Variants in LRBA observed in about 807,000 individuals in gnomAD.
The protein encoded by LRBA is LPS responsive beige-like anchor protein.
LRBA carries 176 observed loss-of-function variants against 330.0 expected under a neutral mutation model. The ratio of observed to expected loss-of-function variants is 0.53; its 90% confidence interval spans 0.47 to 0.60. The LOEUF (loss-of-function observed/expected upper bound fraction) is 0.60, where lower values mean the gene tolerates loss of function less well. Ranked by LOEUF, LRBA falls within the 20% of genes least tolerant of loss-of-function variation. The pLI, the probability that LRBA is intolerant of heterozygous loss-of-function variation, is 0.00. For synonymous variants in LRBA, 1,230 were observed against 1,193.0 expected (o/e 1.03, Z -0.64); for missense variants, 3,259 against 3,444.8 (o/e 0.95, Z 1.35).
At chr4:150,652,465 C>A (rs934937366) in intron 37 of LRBA, among the ~76,000 whole-genome samples, 1 of 151,992 alleles carries the variant, frequency 6.6e-6, no homozygotes, top group Non-Finnish European at 1.5e-5. Flanking sequence ...GTAACATGTT[C>A]CCCCTTTCCT....
rs139942351 is a variant in LRBA at position 150,859,813 on chromosome 4, A to G, written c.2767-6870T>C. Among the ~76,000 whole-genome samples, 340 of 152,358 alleles carry G rather than the reference A, an allele frequency of 2.2e-3. 6 individuals are homozygous for G. Among genetic ancestry groups the G allele is most frequent in the Non-Finnish European group, 6.8e-4 (46 of 68,030 alleles). ...TTAGTTCTTTACACATCAGTTCTTTATCAAGAACCATGTTATAAATTTGGG... is the reference window on the plus strand; with the variant it reads ...TTAGTTCTTTACACATCAGTTCTTTGTCAAGAACCATGTTATAAATTTGGG... On this transcript the variant is annotated intron_variant, in intron 22 of 56. Coordinates refer to ENST00000651943, the MANE Select transcript of LRBA (RefSeq NM_001364905.1).
At chr4:150,867,458 A>T (rs1752868276) in intron 22 of LRBA, among the ~76,000 whole-genome samples, 1 of 152,224 alleles carries the variant, frequency 6.6e-6, no homozygotes, top group Non-Finnish European at 1.5e-5. Flanking sequence ...AAGTACATGT[A>T]AAAACAACAT....
At chr4:150,889,786 T>C (rs942625016) in intron 17 of LRBA, among the ~76,000 whole-genome samples, 2 of 152,192 alleles carry the variant, frequency 1.3e-5, no homozygotes, top group African/African-American at 2.4e-5. Flanking sequence ...GTTACAACTC[T>C]TTGACTCTGT....
At chr4:150,389,643 C>T (rs1004562139) in intron 47 of LRBA, among the ~76,000 whole-genome samples, 11 of 136,346 alleles carry the variant, frequency 8.1e-5, no homozygotes, top group African/African-American at 2.9e-4. Context: ...CGCCACTGCA[C>T]TCCAGCCTGG....
intron 47 of LRBA, among the ~76,000 whole-genome samples, chr4:150,395,574 T>A (rs1007306708): frequency 6.6e-6 from 1 of 152,118 alleles, no homozygotes; most frequent in African/African-American, 2.4e-5. Context: ...ATGAATAAAT[T>A]AAATATAATT....
At chr4:150,430,210 A>G (rs1750190145) in intron 46 of LRBA, among the ~76,000 whole-genome samples, 1 of 152,148 alleles carries the variant, frequency 6.6e-6, no homozygotes, top group Non-Finnish European at 1.5e-5. Flanking sequence ...ACTGAATATA[A>G]GCCTTCACTG....
chr4:150,390,334 C>T (rs1342208240), intron 47 of LRBA, among the ~76,000 whole-genome samples: 1 of 152,166 alleles, frequency 6.6e-6, no homozygotes, highest in Non-Finnish European at 1.5e-5. Flanking sequence ...AACACTTTGG[C>T]TATCTTTTCT....
intron 17 of LRBA, among the ~76,000 whole-genome samples, chr4:150,878,804 T>C (rs1156642315): frequency 1.3e-5 from 2 of 151,124 alleles, no homozygotes; most frequent in Non-Finnish European, 1.5e-5. Flanking sequence ...CAGACCAGGA[T>C]TGAGCTCCGA....
intron 44 of LRBA, among the ~76,000 whole-genome samples, chr4:150,450,657 G>C (rs1468801976): frequency 6.6e-6 from 1 of 152,132 alleles, no homozygotes; most frequent in African/African-American, 2.4e-5. Flanking sequence ...CTGGAGGTTA[G>C]GACTTTAACA....
intron 16 of LRBA, among the ~76,000 whole-genome samples, chr4:150,894,939 T>C (rs976172385): frequency 6.6e-6 from 1 of 152,180 alleles, no homozygotes; most frequent in Non-Finnish European, 1.5e-5. Flanking sequence ...TAATCATTAA[T>C]GATTTTAAGT....
At chr4:150,353,904 A>G (rs1231561490) in intron 47 of LRBA, among the ~76,000 whole-genome samples, 1 of 152,194 alleles carries the variant, frequency 6.6e-6, no homozygotes, top group East Asian at 1.9e-4. Context: ...CTTGCAATAT[A>G]CCAAAGCTTT....
At chr4:150,404,356 G>C (rs1745895849) in intron 47 of LRBA, among the ~76,000 whole-genome samples, 3 of 152,200 alleles carry the variant, frequency 2.0e-5, no homozygotes. Context: ...TTTCAAAGAA[G>C]ATGAGAGTTC....
intron 40 of LRBA, among the ~76,000 whole-genome samples, chr4:150,507,709 A>G (rs2152126391): frequency 6.6e-6 from 1 of 152,334 alleles, no homozygotes; most frequent in African/African-American, 2.4e-5. Context: ...AATGTTAACA[A>G]AAGCCAAAAT....
intron 37 of LRBA, among the ~76,000 whole-genome samples, chr4:150,621,428 C>T (rs1270927253): frequency 6.6e-6 from 1 of 152,096 alleles, no homozygotes; most frequent in African/African-American, 2.4e-5. Context: ...CATAATAGTA[C>T]TATAAAAGCA....
intron 2 of LRBA, among the ~76,000 whole-genome samples, chr4:150,962,006 G>A (rs550302355): frequency 1.1e-4 from 17 of 149,318 alleles, no homozygotes; most frequent in Admixed American, 4.6e-4. Context: ...GCAAGAAGTG[G>A]TGCTGCTAGA....
At chr4:150,372,530 A>G (rs1410854628) in intron 47 of LRBA, among the ~76,000 whole-genome samples, 1 of 138,884 alleles carries the variant, frequency 7.2e-6, no homozygotes, top group Non-Finnish European at 1.5e-5. Flanking sequence ...ACTGCACTCC[A>G]GCCTGGGTGA....
intron 2 of LRBA, among the ~76,000 whole-genome samples, chr4:150,970,421 G>A (rs979779391): frequency 1.3e-5 from 2 of 151,720 alleles, no homozygotes; most frequent in Non-Finnish European, 2.9e-5. Flanking sequence ...GATCGCTTAA[G>A]CCCAAGAGGT....
intron 47 of LRBA, among the ~76,000 whole-genome samples, chr4:150,408,725 T>A: frequency 6.6e-6 from 1 of 152,184 alleles, no homozygotes; most frequent in East Asian, 1.9e-4. Flanking sequence ...AATATATTTG[T>A]GAATGCAAGG....
At chr4:150,559,698 A>T (rs1720379059) in intron 40 of LRBA, among the ~76,000 whole-genome samples, 1 of 90,918 alleles carries the variant, frequency 1.1e-5, no homozygotes, top group Non-Finnish European at 2.0e-5. Context: ...ATTATATATT[A>T]TATATTATAT....
Sources: allele counts gnomAD v4.1 joint callset (sites outside exome capture counted in the v4.1 genomes callset), GRCh38; gene constraint gnomAD v4.1.1; transcripts MANE v1.5; gene names NCBI Gene and HGNC (gene_info 2026-07-23, HGNC 2026-07-21).